ZW10: variants seen among roughly 807,000 people sequenced by gnomAD.
The protein encoded by ZW10 is zw10 kinetochore protein, also known as centromere/kinetochore protein zw10 homolog.
ZW10 carries 53 observed loss-of-function variants against 87.8 expected under a neutral mutation model. That is an observed-to-expected ratio of 0.60 (90% CI 0.48 to 0.76). ZW10 has a LOEUF of 0.76. ZW10 is among the 30% of genes least tolerant of loss of function. The probability of loss-of-function intolerance (pLI) is 0.00; values close to 1 mark genes in which losing one functional copy is unlikely to be tolerated. For synonymous variants in ZW10, 312 were observed against 329.2 expected, an observed-to-expected ratio of 0.95 and a Z score of 0.57; for missense variants, 837 against 923.0, an observed-to-expected ratio of 0.91 and a Z score of 1.21.
intron 9 of ZW10, among the ~76,000 whole-genome samples, chr11:113,744,775 C>T (rs547211464): frequency 2.6e-5 from 4 of 152,202 alleles, no homozygotes; most frequent in East Asian, 3.9e-4. Flanking sequence ...AGGCGGGTCT[C>T]GAACACCTGG....
chr11:113,736,591 A>G (rs1208186019), intron 15 of ZW10, 29 bp downstream of exon 15: 7 of 1,610,024 alleles, frequency 4.3e-6, no homozygotes, highest in Non-Finnish European at 6.0e-6. Context: ...ATGGAGAGTT[A>G]TATGCCTCTA....
intron 5 of ZW10, 73 bp from the exon 6 acceptor site, chr11:113,758,779 A>C: frequency 2.0e-4 from 282 of 1,398,374 alleles, no homozygotes; most frequent in Non-Finnish European, 2.6e-4. Context: ...CTCAGAGCTC[A>C]TTCTCTGATA....
chr11:113,769,020 C>A, intron 1 of ZW10, 53 bp from the exon 2 acceptor site: 1 of 1,568,618 alleles, frequency 6.4e-7, no homozygotes, highest in South Asian at 1.1e-5. Flanking sequence ...GTAGAGAACT[C>A]TAATAAGAAT....
intron 7 of ZW10, among the ~76,000 whole-genome samples, chr11:113,753,896 C>G (rs1397184280): frequency 6.6e-6 from 1 of 152,206 alleles, no homozygotes; most frequent in Non-Finnish European, 1.5e-5. Context: ...AGAAAAGAAG[C>G]TGTCTCCATA....
At chr11:113,763,045 T>C (rs1425474046) in intron 2 of ZW10, among the ~76,000 whole-genome samples, 1 of 152,072 alleles carries the variant, frequency 6.6e-6, no homozygotes, top group Non-Finnish European at 1.5e-5. Flanking sequence ...GGCCCTGGTG[T>C]GTGTTGTTCC....
rs1953692973 is a variant in ZW10, at chr11:113,747,589, T to G, written c.1214A>C (p.Gln405Pro). 1 of 1,613,776 alleles carries G rather than the reference T, an allele frequency of 6.2e-7. No homozygotes were observed. The highest frequency in any genetic ancestry group is 8.5e-7 in the Non-Finnish European group (1 of 1,179,782). The change falls in exon 9 of 16, where the codon CAG becomes CCG. Residue 405 changes from glutamine (Q) to proline (P), a missense_variant. Coordinates refer to ENST00000200135, the MANE Select transcript of ZW10 (RefSeq NM_004724.4). ...ATTTCTGGCTGCCACAATCACATCCTGGCACTTTTTGTTTGCAAAATGAGA... is the reference window on the plus strand; with the variant it reads ...ATTTCTGGCTGCCACAATCACATCCGGGCACTTTTTGTTTGCAAAATGAGA... The part of the protein sequence containing the change: ...INSHFANKKC[Q>P]DVIVAARNLM...
At position 113,757,856 on chromosome 11, in the gene ZW10, G is replaced by A. The variant is rs935923633; in HGVS notation, c.734-3C>T. ...GATATACTTCAGCAGCATCTGACCT[G>A]AAAAATCATATGAACATTCATCAAA... On this transcript the variant is annotated splice_region_variant and splice_polypyrimidine_tract_variant and intron_variant, in intron 6 of 15. Transcript: ENST00000200135. 1 of 1,581,416 alleles carries A rather than the reference G, an allele frequency of 6.3e-7. No homozygotes were observed. The highest frequency in any genetic ancestry group is 1.4e-5 in the African/African-American group (1 of 73,668).
chr11:113,748,304 CCAAA>C lies in ZW10; in HGVS notation c.1038_1041del (p.Cys346TrpfsTer29). ...CTGCTATTTGTTGGAATCGAATAAA[CCAAA>C]CAGTTTTTGATGAGGCACTCAGACA... On this transcript the variant is annotated frameshift_variant, in exon 8 of 16. Transcript: ENST00000200135. LOFTEE classifies it high-confidence loss of function. 4 of 1,613,464 alleles carry C rather than the reference CCAAA, an allele frequency of 2.5e-6. No individual in the cohort carries two copies. Among genetic ancestry groups the C allele is most frequent in the Non-Finnish European group, 3.4e-6 (4 of 1,179,776 alleles).
chr11:113,739,193 A>G lies in ZW10; in HGVS notation c.1753+20T>C. 6.2e-7 allele frequency: 1 copy of G among 1,612,686 alleles called. No individual in the cohort carries two copies. Among genetic ancestry groups the G allele is most frequent in the Non-Finnish European group, 8.5e-7 (1 of 1,179,260 alleles). ...AGCTGCATAATCCATATGCTTTCCT[A>G]CATTGAAAGTATCAGTTACCAAGTC... On this transcript the variant is annotated intron_variant, in intron 12 of 15. Transcript: ENST00000200135.
chr11:113,752,818 G>A (rs768925927), intron 7 of ZW10, among the ~76,000 whole-genome samples: 9 of 152,044 alleles, frequency 5.9e-5, no homozygotes, highest in Non-Finnish European at 1.3e-4. Flanking sequence ...TGGCTTATAC[G>A]TGTTCAAGTG....
At chr11:113,739,490 T>C in intron 11 of ZW10, 108 bp from the exon 12 acceptor site, 2 of 1,007,200 alleles carry the variant, frequency 2.0e-6, no homozygotes, top group African/African-American at 1.6e-5. Flanking sequence ...AATAACTGTC[T>C]AGTTTCTAAA....
Position 113,737,529 on chromosome 11 carries a change from T to C in ZW10, c.2016+43A>G, listed in dbSNP as rs1447795321. 4 of 1,481,818 alleles carry C rather than the reference T, an allele frequency of 2.7e-6. No individual in the cohort carries two copies. In the African/African-American group the frequency reaches 4.1e-5, roughly 15 times the overall value. 91.8% of individuals were successfully genotyped at this position (1,481,818 alleles called of 1,614,324 possible). ...CTTAGCAAAGTCACAATCTGGGACA[T>C]GAATTGCATCTCAAGGCTAGTGTAG... On this transcript the variant is annotated intron_variant, in intron 14 of 15. Transcript: ENST00000200135.
At position 113,743,848 on chromosome 11, in the gene ZW10, G is replaced by A; in HGVS notation, c.1465C>T (p.Leu489Phe). 6.2e-7 allele frequency: 1 copy of A among 1,614,150 alleles called. No individual in the cohort carries two copies. The highest frequency in any genetic ancestry group is 2.2e-5 in the East Asian group (1 of 44,866). ...GCCTCTAGTAAAGTCTGATAGGCGA[G>A]TTCCATTAATTTCTTCACAGACTCA... ...ISESVKKLME[L>F]AYQTLLEATT... The change falls in exon 10 of 16, where the codon CTC becomes TTC. Residue 489 changes from leucine (L) to phenylalanine (F), a missense_variant. Transcript: ENST00000200135.
rs1043963710 is a variant in ZW10, at chr11:113,743,880, C to A, written c.1433G>T (p.Arg478Leu). 6.2e-7 allele frequency: 1 copy of A among 1,614,136 alleles called. No individual in the cohort carries two copies. The highest frequency in any genetic ancestry group is 8.5e-7 in the Non-Finnish European group (1 of 1,180,018). Residue 478 changes from arginine to leucine, a missense_variant, in exon 10 of 16, where the codon CGT becomes CTT. Physicochemically the swap from Arg to Leu is moderately radical, Grantham distance 102. Coordinates refer to ENST00000200135, the MANE Select transcript of ZW10 (RefSeq NM_004724.4). The part of the protein sequence containing the change: ...DQHSFSLPTC[R>L]ISESVKKLME... ...TAATTTCTTCACAGACTCACTGATA[C>A]GGCATGTGGGCAAGGAAAAGGAATG...
chr11:113,759,907 G>A (rs1370072307), intron 5 of ZW10, among the ~76,000 whole-genome samples: 2 of 152,138 alleles, frequency 1.3e-5, no homozygotes, highest in African/African-American at 4.8e-5. Context: ...TAATGTGGTC[G>A]CAAATTGCTA....
chr11:113,749,463 CTT>C (rs957266058), intron 7 of ZW10, among the ~76,000 whole-genome samples: 4 of 152,064 alleles, frequency 2.6e-5, no homozygotes, highest in African/African-American at 9.7e-5. Context: ...AGTTCTGTGT[CTT>C]GATTGTAGTG....
At chr11:113,765,441 T>C (rs1193230170) in intron 2 of ZW10, among the ~76,000 whole-genome samples, 2 of 152,204 alleles carry the variant, frequency 1.3e-5, no homozygotes, top group Admixed American at 6.5e-5. Flanking sequence ...TGTGTACCAC[T>C]TCCAACTCTG....
chr11:113,739,857 G>A (rs972000776), intron 11 of ZW10, among the ~76,000 whole-genome samples: 1 of 152,150 alleles, frequency 6.6e-6, no homozygotes, highest in African/African-American at 2.4e-5. Context: ...CAGATGTTTA[G>A]ACTTTACCCC....
rs756644072 is a variant in ZW10 at position 113,768,923 on chromosome 11, C to T, written c.150G>A (p.Leu50=). 2.5e-6 allele frequency: 4 copies of T among 1,614,058 alleles called. No individual in the cohort carries two copies. The highest frequency in any genetic ancestry group is 3.4e-6 in the Non-Finnish European group (4 of 1,180,034). The change falls in exon 2 of 16, where the codon CTG becomes CTA. Residue 50 remains leucine (L), a synonymous_variant. Coordinates refer to ENST00000200135, the MANE Select transcript of ZW10 (RefSeq NM_004724.4). The part of the protein sequence containing the change: ...NMISKKYSEF[L]PSMQSAQGLI... ...GGCCCTGCGCGCTCTGCATGCTAGG[C>T]AGGAATTCACTGTACTTCTTGCTAA...
Sources: allele counts gnomAD v4.1 joint callset (sites outside exome capture counted in the v4.1 genomes callset), GRCh38; gene constraint gnomAD v4.1.1; transcripts MANE v1.5; gene names NCBI Gene and HGNC (gene_info 2026-07-23, HGNC 2026-07-21).